Variants in RORA observed in about 807,000 individuals in gnomAD.
The protein encoded by RORA is RAR related orphan receptor A.
RORA carries 7 observed loss-of-function variants against 69.5 expected under a neutral mutation model. The observed-to-expected ratio is 0.10, with a 90% CI of 0.06 to 0.19. The LOEUF is 0.19. RORA is among the 10% of genes least tolerant of loss of function. The pLI is 1.00. For missense variants in RORA, 457 were observed against 663.0 expected (o/e 0.69, Z 3.41); for synonymous variants, 261 against 240.8 (o/e 1.08, Z -0.78).
At chr15:61,009,551 C>A (rs1895024988) in intron 1 of RORA, among the ~76,000 whole-genome samples, 1 of 152,194 alleles carries the variant, frequency 6.6e-6, no homozygotes, top group Non-Finnish European at 1.5e-5. Flanking sequence ...CAAGACTAAT[C>A]TTTAATTTTA....
chr15:60,732,401 C>A (rs1256053568), intron 1 of RORA, among the ~76,000 whole-genome samples: 4 of 152,168 alleles, frequency 2.6e-5, no homozygotes, highest in African/African-American at 9.7e-5. Context: ...CAGGCCAAAG[C>A]TTTTCTCTCT....
chr15:60,615,047 A>G (rs2140598737), intron 2 of RORA: 1 of 1,605,076 alleles, frequency 6.2e-7, no homozygotes, highest in African/African-American at 1.3e-5. Flanking sequence ...AAAACAGAAC[A>G]GCGTCAACCC....
chr15:61,008,201 CTCTGTGTGTGTGTGTGTGTGTGTGTG>C (rs1894979320), intron 1 of RORA, among the ~76,000 whole-genome samples: 1 of 106,594 alleles, frequency 9.4e-6, no homozygotes, highest in African/African-American at 3.1e-5. Context: ...TTCTCTCTCT[CTCTGTGTGTGTGTGTGTGTGTGTGTG>C]TGTGTGTGTG....
chr15:61,205,989 A>G (rs955672825), intron 1 of RORA, among the ~76,000 whole-genome samples: 4 of 152,216 alleles, frequency 2.6e-5, no homozygotes, highest in African/African-American at 4.8e-5. Context: ...CTAATCTGCA[A>G]CATGGGGTTC....
chr15:60,649,277 G>T (rs989872554), intron 2 of RORA, among the ~76,000 whole-genome samples: 1 of 151,418 alleles, frequency 6.6e-6, no homozygotes, highest in Non-Finnish European at 1.5e-5. Context: ...TAAGATTCTT[G>T]CTCCTGACAC....
intron 1 of RORA, among the ~76,000 whole-genome samples, chr15:61,033,008 G>A (rs575443726): frequency 2.8e-4 from 42 of 152,162 alleles, no homozygotes; most frequent in Admixed American, 1.2e-3. Flanking sequence ...ACTCTGCGAG[G>A]TAGGCATTGC....
intron 2 of RORA, among the ~76,000 whole-genome samples, chr15:60,633,220 G>C (rs189685123): frequency 4.7e-4 from 71 of 152,348 alleles, no homozygotes; most frequent in African/African-American, 1.6e-3. Flanking sequence ...TCACAGGTTT[G>C]TGTTGGTAGC....
At chr15:60,562,874 G>A (rs1332193727) in intron 2 of RORA, among the ~76,000 whole-genome samples, 1 of 152,092 alleles carries the variant, frequency 6.6e-6, no homozygotes, top group African/African-American at 2.4e-5. Flanking sequence ...ACCATGCCTG[G>A]CCAATAGCTT....
intron 1 of RORA, among the ~76,000 whole-genome samples, chr15:60,807,508 A>T (rs979586637): frequency 2.6e-5 from 4 of 152,234 alleles, no homozygotes; most frequent in Admixed American, 1.3e-4. Flanking sequence ...GCCAAAAGCA[A>T]GCTACAAATT....
chr15:61,185,284 T>A (rs1468533015), intron 1 of RORA, among the ~76,000 whole-genome samples: 1 of 152,180 alleles, frequency 6.6e-6, no homozygotes, highest in Non-Finnish European at 1.5e-5. Context: ...TAAATGATAT[T>A]TAGCCTCCAG....
chr15:60,937,299 A>G (rs1244125478), intron 1 of RORA, among the ~76,000 whole-genome samples: 2 of 152,096 alleles, frequency 1.3e-5, no homozygotes, highest in Admixed American at 1.3e-4. Context: ...ACTGAGCTTG[A>G]GTATGGTTGT....
At chr15:60,880,706 G>C (rs1595787912) in intron 1 of RORA, among the ~76,000 whole-genome samples, 3 of 152,264 alleles carry the variant, frequency 2.0e-5, no homozygotes, top group East Asian at 3.9e-4. Flanking sequence ...TTATGGATTT[G>C]TTGTAGGCCA....
chr15:60,994,965 G>T (rs1206673482), intron 1 of RORA, among the ~76,000 whole-genome samples: 4 of 152,026 alleles, frequency 2.6e-5, no homozygotes, highest in Admixed American at 2.6e-4. Flanking sequence ...ATCAGGAAGT[G>T]GTATAACAAA....
intron 1 of RORA, among the ~76,000 whole-genome samples, chr15:61,059,049 C>T (rs1005191290): frequency 2.6e-5 from 4 of 152,190 alleles, no homozygotes; most frequent in Admixed American, 6.5e-5. Flanking sequence ...CTACCTCTGC[C>T]GTTCCTCTAA....
chr15:60,824,727 A>C (rs1036738085), intron 1 of RORA, among the ~76,000 whole-genome samples: 1 of 152,206 alleles, frequency 6.6e-6, no homozygotes, highest in Non-Finnish European at 1.5e-5. Flanking sequence ...ATTTTTGTAA[A>C]GTTTCATAAG....
At position 60,879,956 on chromosome 15, in the gene RORA, T is replaced by C. The variant is rs2073660585; in HGVS notation, c.167-201270A>G. Among the ~76,000 whole-genome samples, 4 of 152,278 alleles carry C rather than the reference T, an allele frequency of 2.6e-5. No individual in the cohort carries two copies. In the South Asian group the frequency reaches 8.3e-4, roughly 32 times the overall value. ...GAATGTGGGATTGTCACTGGGTCAC[T>C]AGATAAAGGAGATTTATAAAATCTG... is the stretch of plus-strand genomic sequence containing the variant. On this transcript the variant is annotated intron_variant, in intron 1 of 10. Transcript: ENST00000335670.
At chr15:61,032,132 C>T (rs78839358) in intron 1 of RORA, among the ~76,000 whole-genome samples, 2,663 of 152,302 alleles carry the variant, frequency 0.017, 79 homozygotes, top group African/African-American at 0.06. Context: ...AGTTAATTGA[C>T]TGGCTAGCAA....
Position 60,566,322 on chromosome 15 carries a change from G to T in RORA, c.197-34471C>A, listed in dbSNP as rs114683106. Among the ~76,000 whole-genome samples, 820 of 152,108 alleles carry T rather than the reference G, an allele frequency of 5.4e-3. 12 individuals carry two copies. Among genetic ancestry groups the T allele is most frequent in the African/African-American group, 0.019 (788 of 41,496 alleles). Reference sequence around the variant, plus strand: ...TCCTTTTTCTTAGTAAAAAATCATAGATGTTTCAAAAAATAATTCCCTTTT... The same window carrying T: ...TCCTTTTTCTTAGTAAAAAATCATATATGTTTCAAAAAATAATTCCCTTTT... On this transcript the variant is annotated intron_variant, in intron 2 of 10. Transcript: ENST00000335670.
chr15:60,790,686 T>C lies in RORA; in HGVS notation c.167-112000A>G, dbSNP rs569905582. On this transcript the variant is annotated intron_variant, in intron 1 of 10. Transcript: ENST00000335670. ...AGGAGAGGAGCTGAAGACCTTCTCC[T>C]ACCACAGGGGCCAATGCTGGCTGAG... 2.0e-5 allele frequency among the ~76,000 whole-genome samples: 3 copies of C among 152,358 alleles called. No individual in the cohort carries two copies. In the East Asian group the frequency reaches 5.8e-4, roughly 29 times the overall value.
Sources: gnomAD v4.1 joint callset for allele counts (sites outside exome capture counted in the v4.1 genomes callset) on GRCh38, gnomAD v4.1.1 for gene constraint, MANE v1.5 for transcripts, NCBI Gene and HGNC (gene_info 2026-07-23, HGNC 2026-07-21) for gene names.